Variants in SH3BP5 observed in about 807,000 individuals in gnomAD.
SH3BP5 encodes SH3 domain binding protein 5.
In SH3BP5, 22 loss-of-function variants were observed where a neutral mutation model predicts 43.3. The observed-to-expected ratio is 0.51, with a 90% confidence interval of 0.36 to 0.73. SH3BP5 has a LOEUF of 0.73. Ranked by LOEUF, SH3BP5 falls within the 30% of genes least tolerant of loss-of-function variation. The probability of loss-of-function intolerance (pLI) is 0.00; values close to 1 mark genes in which losing one functional copy is unlikely to be tolerated. For synonymous variants in SH3BP5, 255 were observed against 225.8 expected (o/e 1.13, Z -1.16); for missense variants, 529 against 586.9 (o/e 0.90, Z 1.02).
intron 1 of SH3BP5, 66 bp downstream of exon 1, chr3:15,332,205 C>CT: frequency 6.5e-7 from 1 of 1,544,094 alleles, no homozygotes; most frequent in Non-Finnish European, 8.7e-7. Context: ...TGGCTGTACG[C>CT]GTAGACACCG....
chr3:15,331,975 T>G, intron 1 of SH3BP5: 1 of 336,940 alleles, frequency 3.0e-6, no homozygotes, highest in Non-Finnish European at 5.5e-6. Flanking sequence ...CCGCCCCCTT[T>G]TTCCCTTTGT....
chr3:15,279,934 T>C (rs530228195), intron 3 of SH3BP5, among the ~76,000 whole-genome samples: 1 of 152,296 alleles, frequency 6.6e-6, no homozygotes, highest in African/African-American at 2.4e-5. Context: ...CCGGTTCCTC[T>C]GCCTTAAGCT....
rs1269974869 is a variant in SH3BP5, at chr3:15,332,324, C to G, written c.85G>C (p.Glu29Gln). ...PARDEEEEEE[E>Q]GMEQGLEEEE... ...TCCTCCAGCCCCTGCTCCATCCCCTCTTCCTCCTCCTCCTCCTCGTCCCGG... is the reference window on the plus strand; with the variant it reads ...TCCTCCAGCCCCTGCTCCATCCCCTGTTCCTCCTCCTCCTCCTCGTCCCGG... The change falls in exon 1 of 9, where the codon GAG becomes CAG. Residue 29 changes from glutamate (E) to glutamine (Q), a missense_variant. Coordinates refer to ENST00000383791, the MANE Select transcript of SH3BP5 (RefSeq NM_004844.5). 6.5e-7 allele frequency: 1 copy of G among 1,546,498 alleles called. No individual in the cohort carries two copies. The highest frequency in any genetic ancestry group is 1.2e-5 in the South Asian group (1 of 84,318).
intron 3 of SH3BP5, among the ~76,000 whole-genome samples, chr3:15,289,563 G>A (rs1180676731): frequency 6.6e-6 from 1 of 152,166 alleles, no homozygotes; most frequent in East Asian, 1.9e-4. Context: ...GTTGAGAGAC[G>A]GAATCCTTGT....
intron 5 of SH3BP5, 32 bp from the exon 6 acceptor site, chr3:15,259,835 T>G: frequency 6.2e-7 from 1 of 1,605,564 alleles, no homozygotes; most frequent in East Asian, 2.2e-5. Context: ...GCCATCAGAG[T>G]AATATAATAC....
In SH3BP5 at chr3:15,255,171, CTAACTT is replaced by C. The variant is rs1696149960; in HGVS notation, c.*909_*914del. ...AACACATGCCTGCCTACTCCCTTTC[CTAACTT>C]TAAAGAACTGTTTCCTCTAAGGAAT... On this transcript the variant is annotated 3_prime_UTR_variant, in exon 9 of 9. Coordinates refer to ENST00000383791, the MANE Select transcript of SH3BP5 (RefSeq NM_004844.5). 1 of 151,816 alleles carries C rather than the reference CTAACTT, an allele frequency of 6.6e-6. No homozygotes were observed. Among genetic ancestry groups the C allele is most frequent in the East Asian group, 1.9e-4 (1 of 5,204 alleles). 9.4% of individuals were successfully genotyped at this position (151,816 alleles called of 1,614,324 possible).
At chr3:15,289,139 T>C (rs577187376) in intron 3 of SH3BP5, among the ~76,000 whole-genome samples, 1 of 152,330 alleles carries the variant, frequency 6.6e-6, no homozygotes, top group African/African-American at 2.4e-5. Context: ...ACAGCCTTTC[T>C]AGAAGATAAA....
upstream of SH3BP5, among the ~76,000 whole-genome samples, chr3:15,335,207 C>T (rs896039949): frequency 4.6e-5 from 7 of 151,792 alleles, no homozygotes; most frequent in South Asian, 2.1e-4. Flanking sequence ...CCAGCCAGGA[C>T]AACATGGTAA....
chr3:15,285,032 T>A (rs1367880129), intron 3 of SH3BP5, among the ~76,000 whole-genome samples: 2 of 152,206 alleles, frequency 1.3e-5, no homozygotes, highest in Non-Finnish European at 2.9e-5. Context: ...CACAGCAGTA[T>A]TGCCCCTTGT....
At chr3:15,277,227 C>G (rs1696997572) in intron 3 of SH3BP5, among the ~76,000 whole-genome samples, 1 of 152,208 alleles carries the variant, frequency 6.6e-6, no homozygotes, top group South Asian at 2.1e-4. Flanking sequence ...CTGCCTCAGC[C>G]TCCCAAAGTG....
chr3:15,323,802 G>A (rs1698393708), intron 2 of SH3BP5, among the ~76,000 whole-genome samples: 1 of 152,214 alleles, frequency 6.6e-6, no homozygotes, highest in African/African-American at 2.4e-5. Flanking sequence ...ATCTGCCAGA[G>A]GTCCCACAGC....
intron 2 of SH3BP5, among the ~76,000 whole-genome samples, chr3:15,307,248 G>C (rs1398998412): frequency 6.6e-6 from 1 of 152,126 alleles, no homozygotes; most frequent in African/African-American, 2.4e-5. Flanking sequence ...TCCCTTATCA[G>C]ACCAGGCTTA....
At chr3:15,273,965 G>T (rs1050283074) in intron 3 of SH3BP5, among the ~76,000 whole-genome samples, 1 of 152,174 alleles carries the variant, frequency 6.6e-6, no homozygotes, top group Non-Finnish European at 1.5e-5. Flanking sequence ...CCTATGGGCC[G>T]GGCATGGTGG....
chr3:15,311,124 G>A (rs1028777782), intron 2 of SH3BP5, among the ~76,000 whole-genome samples: 4 of 152,156 alleles, frequency 2.6e-5, no homozygotes, highest in Non-Finnish European at 5.9e-5. Context: ...TGTTAGAGAC[G>A]ACACCAAACT....
rs563150960 is a variant in SH3BP5 at position 15,265,007 on chromosome 3, T to C, written c.496-2718A>G. On this transcript the variant is annotated intron_variant, in intron 4 of 8. Transcript: ENST00000383791. ...CCTGTAAGAAGCAGGATTCTCACCA[T>C]CTGCACACAGGCCCTCATTCTATCT... Among the ~76,000 whole-genome samples the C allele has an allele frequency of 2.0e-5, 3 of 152,068 alleles. No homozygotes were observed. The South Asian group carries it at 6.2e-4, about 32-fold the overall frequency.
At chr3:15,332,635 C>G, upstream of SH3BP5, 1 of 1,171,128 alleles carries the variant, frequency 8.5e-7, no homozygotes, top group Non-Finnish European at 1.1e-6. Context: ...AGCGCAGCGC[C>G]CGCTCCGCCC....
chr3:15,262,064 T>C, intron 5 of SH3BP5, 95 bp downstream of exon 5: 1 of 1,440,484 alleles, frequency 6.9e-7, no homozygotes, highest in African/African-American at 1.4e-5. Context: ...AAAGGACTAC[T>C]CAGGGTGGTC....
chr3:15,320,857 TG>T (rs1371796068), intron 2 of SH3BP5, among the ~76,000 whole-genome samples: 1 of 152,142 alleles, frequency 6.6e-6, no homozygotes, highest in Non-Finnish European at 1.5e-5. Context: ...TGAATACAGC[TG>T]GGGATACAGT....
intron 2 of SH3BP5, among the ~76,000 whole-genome samples, chr3:15,312,936 G>T (rs181656636): frequency 1.5e-4 from 23 of 152,110 alleles, no homozygotes; most frequent in African/African-American, 4.6e-4. Context: ...TTATAATAAG[G>T]CTATTTCCTT....
Sources: allele counts gnomAD v4.1 joint callset (sites outside exome capture counted in the v4.1 genomes callset), GRCh38; gene constraint gnomAD v4.1.1; transcripts MANE v1.5; gene names NCBI Gene and HGNC (gene_info 2026-07-23, HGNC 2026-07-21).